Variants in AHR observed in about 807,000 individuals in gnomAD.
AHR encodes AH-receptor.
A neutral mutation model predicts 86.8 loss-of-function variants in AHR; 40 were observed. The ratio of observed to expected loss-of-function variants is 0.46; its 90% confidence interval spans 0.36 to 0.60. The LOEUF (loss-of-function observed/expected upper bound fraction) is 0.60, where lower values mean the gene tolerates loss of function less well. Among genes scored for constraint, AHR ranks in the 20% least tolerant of loss-of-function variants. AHR has a pLI of 0.00. For synonymous variants in AHR, 398 were observed against 354.9 expected, an observed-to-expected ratio of 1.12 and a Z score of -1.37; for missense variants, 1,001 against 1,011.6, an observed-to-expected ratio of 0.99 and a Z score of 0.14.
intron 9 of AHR, among the ~76,000 whole-genome samples, chr7:17,338,730 A>G (rs1782383027): frequency 6.6e-6 from 1 of 152,014 alleles, no homozygotes; most frequent in East Asian, 1.9e-4. Flanking sequence ...CTTTTTTTGC[A>G]GGGTGTCAGG....
At chr7:17,324,234 C>G (rs1195943798) in intron 3 of AHR, among the ~76,000 whole-genome samples, 1 of 152,152 alleles carries the variant, frequency 6.6e-6, no homozygotes, top group Non-Finnish European at 1.5e-5. Flanking sequence ...AATAGGAAGA[C>G]TCACATTCTC....
intron 1 of AHR, among the ~76,000 whole-genome samples, chr7:17,302,008 G>A (rs973725216): frequency 6.6e-6 from 1 of 151,814 alleles, no homozygotes; most frequent in African/African-American, 2.4e-5. Flanking sequence ...GGAAATGAAA[G>A]TGTTTATTTA....
intron 6 of AHR, 70 bp downstream of exon 6, chr7:17,330,956 T>A (rs760838675): frequency 1.3e-6 from 2 of 1,517,130 alleles, no homozygotes; most frequent in Non-Finnish European, 1.8e-6. Flanking sequence ...AAATTTAATT[T>A]AGCAAAATAT....
chr7:17,341,041 T>A (rs1047543995), intron 10 of AHR, among the ~76,000 whole-genome samples: 1 of 152,160 alleles, frequency 6.6e-6, no homozygotes, highest in African/African-American at 2.4e-5. Flanking sequence ...ATACATCATG[T>A]TTGCATTTAT....
chr7:17,307,259 A>G (rs1157385044), intron 1 of AHR, among the ~76,000 whole-genome samples: 1 of 152,094 alleles, frequency 6.6e-6, no homozygotes, highest in Non-Finnish European at 1.5e-5. Flanking sequence ...TTTCATAATC[A>G]TTACTGGAAA....
At chr7:17,317,893 CTTG>C (rs1562477082) in intron 2 of AHR, among the ~76,000 whole-genome samples, 3 of 152,096 alleles carry the variant, frequency 2.0e-5, no homozygotes, top group Non-Finnish European at 4.4e-5. Context: ...ATTAACTGCT[CTTG>C]TTCCATTAAT....
chr7:17,333,981 C>A lies in AHR; in HGVS notation c.775C>A (p.Leu259Ile). The change falls in exon 7 of 11, where the codon CTT becomes ATT. Residue 259 changes from leucine to isoleucine, a missense_variant. Around this residue, in one of 2 missense-constraint regions of AHR, gnomAD observed 394 missense variants for 468.5 expected, o/e 0.84. Transcript: ENST00000242057. ...AAAGAAAGGGAAAGATGGATCAATA[C>A]TTCCACCTCAGTTGGCTTTGTTTGC... The part of the protein sequence containing the change: ...QKKKGKDGSI[L>I]PPQLALFAIA... The A allele has an allele frequency of 6.2e-7, 1 of 1,613,458 alleles. No homozygotes were observed. Among genetic ancestry groups the A allele is most frequent in the East Asian group, 2.2e-5 (1 of 44,856 alleles).
Position 17,339,883 on chromosome 7 carries a change from C to G in AHR, c.2058C>G (p.Pro686=). The change falls in exon 10 of 11, where the codon CCC becomes CCG. Residue 686 remains proline (P), a synonymous_variant. Coordinates refer to ENST00000242057, the MANE Select transcript of AHR (RefSeq NM_001621.5). ...TACATGGGATCAGTCAAGAGTTCCC[C>G]TACAAATCTGAAATGGATTCTATGC... The part of the protein sequence containing the change: ...TDLHGISQEF[P]YKSEMDSMPY... The G allele has an allele frequency of 6.2e-7, 1 of 1,614,166 alleles. No individual in the cohort carries two copies. Among genetic ancestry groups the G allele is most frequent in the East Asian group, 2.2e-5 (1 of 44,890 alleles).
At chr7:17,322,693 T>C (rs1303625184) in intron 3 of AHR, 86 bp downstream of exon 3, 1 of 906,320 alleles carries the variant, frequency 1.1e-6, no homozygotes, top group Non-Finnish European at 1.7e-6. Context: ...ATTCCCTGTT[T>C]ACTTAGGATT....
chr7:17,340,348 C>A, intron 10 of AHR, 120 bp downstream of exon 10: 1 of 1,301,830 alleles, frequency 7.7e-7, no homozygotes, highest in Non-Finnish European at 1.0e-6. Flanking sequence ...ATGGAGACAG[C>A]ATTTTTTATT....
chr7:17,308,534 AAATTCAGTTGGTTAAGTGG>A (rs1214870003), intron 1 of AHR, among the ~76,000 whole-genome samples: 15 of 152,196 alleles, frequency 9.9e-5, no homozygotes, highest in Non-Finnish European at 1.9e-4. Flanking sequence ...GTAAAGTTTG[AAATTCAGTTGGTTAAGTGG>A]AGAAGTGAAG....
chr7:17,312,973 G>C (rs1782081109), intron 2 of AHR, among the ~76,000 whole-genome samples: 1 of 152,068 alleles, frequency 6.6e-6, no homozygotes, highest in South Asian at 2.1e-4. Flanking sequence ...GTTAATTTTT[G>C]TTTCTTTGCC....
At chr7:17,338,509 C>T (rs930596151) in intron 9 of AHR, among the ~76,000 whole-genome samples, 5 of 152,070 alleles carry the variant, frequency 3.3e-5, no homozygotes, top group Admixed American at 2.6e-4. Flanking sequence ...GCATGTGCCA[C>T]CATGCCCAGC....
chr7:17,335,709 T>C lies in AHR; in HGVS notation c.1083T>C (p.Thr361=). The change falls in exon 9 of 11, where the codon ACT becomes ACC. Residue 361 remains threonine, a synonymous_variant. Coordinates refer to ENST00000242057, the MANE Select transcript of AHR (RefSeq NM_001621.5). ...TTCTTACAAAAAACAACCGATGGACTTGGGTCCAGTCTAATGCACGCCTGC... is the reference window on the plus strand; with the variant it reads ...TTCTTACAAAAAACAACCGATGGACCTGGGTCCAGTCTAATGCACGCCTGC... ...FRLLTKNNRW[T]WVQSNARLLY... is the part of the protein sequence containing the mutation. 6.2e-7 allele frequency: 1 copy of C among 1,610,530 alleles called. No homozygotes were observed. Among genetic ancestry groups the C allele is most frequent in the South Asian group, 1.1e-5 (1 of 90,468 alleles).
rs1562482783 is a variant in AHR at position 17,339,874 on chromosome 7, A to G, written c.2049A>G (p.Gln683=). The G allele has an allele frequency of 6.2e-7, 1 of 1,614,198 alleles. No homozygotes were observed. Among genetic ancestry groups the G allele is most frequent in the Non-Finnish European group, 8.5e-7 (1 of 1,180,024 alleles). ...TTACAGACTTACATGGGATCAGTCAAGAGTTCCCCTACAAATCTGAAATGG... is the reference window on the plus strand; with the variant it reads ...TTACAGACTTACATGGGATCAGTCAGGAGTTCCCCTACAAATCTGAAATGG... The part of the protein sequence containing the change: ...NVFTDLHGIS[Q]EFPYKSEMDS... The change falls in exon 10 of 11, where the codon CAA becomes CAG. Residue 683 remains glutamine (Q), a synonymous_variant. Coordinates refer to ENST00000242057, the MANE Select transcript of AHR (RefSeq NM_001621.5).
intron 1 of AHR, 31 bp downstream of exon 1, chr7:17,299,360 G>T (rs776103544): frequency 4.0e-5 from 65 of 1,608,168 alleles, no homozygotes; most frequent in Non-Finnish European, 5.4e-5. Flanking sequence ...CTCATCGCGG[G>T]GGCTGGGCGC....
chr7:17,330,507 T>C (rs1562480184), intron 5 of AHR, among the ~76,000 whole-genome samples: 1 of 151,882 alleles, frequency 6.6e-6, no homozygotes, highest in African/African-American at 2.4e-5. Context: ...AAAACAAAAA[T>C]GCATTAGAAA....
intron 5 of AHR, 27 bp from the exon 6 acceptor site, chr7:17,330,729 A>T: frequency 1.3e-6 from 2 of 1,525,592 alleles, no homozygotes; most frequent in Non-Finnish European, 1.8e-6. Context: ...ATGGAAAGTA[A>T]ATTTTGTTTT....
At position 17,335,398 on chromosome 7, in the gene AHR, C is replaced by T. The variant is rs80289169; in HGVS notation, c.1019-247C>T. 3.2e-4 allele frequency among the ~76,000 whole-genome samples: 49 copies of T among 152,182 alleles called. No homozygotes were observed. The East Asian group carries it at 8.3e-3, about 26-fold the overall frequency. On this transcript the variant is annotated intron_variant, in intron 8 of 10. Transcript: ENST00000242057. ...TAATTTTTTCCCCAACTTATGTTCT[C>T]TCTATACTTTCCTGTGTTACTAGAA...
Sources: gnomAD v4.1 joint callset for allele counts (sites outside exome capture counted in the v4.1 genomes callset) on GRCh38, gnomAD v4.1.1 for gene constraint, gnomAD v4.1.1 regional missense constraint, MANE v1.5 for transcripts, NCBI Gene and HGNC (gene_info 2026-07-23, HGNC 2026-07-21) for gene names.